ELL2: variants seen among roughly 807,000 people sequenced by gnomAD.
ELL2 encodes the protein elongation factor for RNA polymerase II 2.
A neutral mutation model predicts 72.8 loss-of-function variants in ELL2; 21 were observed. The ratio of observed to expected loss-of-function variants is 0.29; its 90% CI spans 0.20 to 0.42. ELL2 has a LOEUF of 0.42. Among genes scored for constraint, ELL2 ranks in the 10% least tolerant of loss-of-function variants. ELL2 has a pLI of 1.00. For synonymous variants in ELL2, 266 were observed against 283.2 expected (o/e 0.94, Z 0.61); for missense variants, 568 against 772.8 (o/e 0.73, Z 3.14).
chr5:95,954,168 G>C (rs1345101730), intron 1 of ELL2, among the ~76,000 whole-genome samples: 1 of 152,026 alleles, frequency 6.6e-6, no homozygotes, highest in African/African-American at 2.4e-5. Context: ...TCAAACTCCT[G>C]AATATACTTC....
chr5:95,936,567 G>A (rs1750780883), intron 2 of ELL2, among the ~76,000 whole-genome samples: 1 of 152,142 alleles, frequency 6.6e-6, no homozygotes, highest in South Asian at 2.1e-4. Context: ...AGGATCGCTT[G>A]AGTCCGGGAG....
At chr5:95,896,746 C>T (rs1256635226) in intron 8 of ELL2, among the ~76,000 whole-genome samples, 7 of 152,176 alleles carry the variant, frequency 4.6e-5, no homozygotes, top group African/African-American at 1.7e-4. Flanking sequence ...TTGTAATTAT[C>T]GCAACTGGTT....
chr5:95,939,985 G>A (rs1257576181), intron 2 of ELL2, among the ~76,000 whole-genome samples: 1 of 152,122 alleles, frequency 6.6e-6, no homozygotes, highest in Admixed American at 6.6e-5. Flanking sequence ...GTACAGATTA[G>A]AACTGTGAGA....
chr5:95,940,743 T>C (rs1750939016), intron 2 of ELL2, among the ~76,000 whole-genome samples: 1 of 152,032 alleles, frequency 6.6e-6, no homozygotes, highest in Non-Finnish European at 1.5e-5. Context: ...ATATTTCACA[T>C]AGGAAAAAAA....
chr5:95,952,628 T>C (rs1018372089), intron 1 of ELL2, among the ~76,000 whole-genome samples: 2 of 152,188 alleles, frequency 1.3e-5, no homozygotes, highest in African/African-American at 4.8e-5. Context: ...TGATTAGCCA[T>C]ACCCTTGAGA....
At chr5:95,891,043 G>A (rs1417942957) in intron 10 of ELL2, 60 bp downstream of exon 10, 35 of 1,605,278 alleles carry the variant, frequency 2.2e-5, no homozygotes, top group Non-Finnish European at 3.0e-5. Context: ...GTTGAGCAGG[G>A]CAGGGAAAGA....
chr5:95,940,020 A>C (rs1353010483), intron 2 of ELL2, among the ~76,000 whole-genome samples: 3 of 152,218 alleles, frequency 2.0e-5, no homozygotes, highest in Non-Finnish European at 4.4e-5. Context: ...TCTCTTCAGA[A>C]TCAGCAAAGC....
intron 6 of ELL2, 24 bp from the exon 7 acceptor site, chr5:95,900,804 T>G (rs759535413): frequency 2.5e-6 from 4 of 1,586,896 alleles, no homozygotes; most frequent in African/African-American, 1.4e-5. Flanking sequence ...ACATGTTATG[T>G]GTTAAGGAGA....
chr5:95,943,487 C>T (rs532448156), intron 1 of ELL2, among the ~76,000 whole-genome samples: 1 of 151,692 alleles, frequency 6.6e-6, no homozygotes, highest in East Asian at 1.9e-4. Context: ...CATGATTTGG[C>T]AAAAAATGGT....
At chr5:95,904,759 C>T (rs1205372939) in intron 5 of ELL2, among the ~76,000 whole-genome samples, 1 of 152,004 alleles carries the variant, frequency 6.6e-6, no homozygotes, top group African/African-American at 2.4e-5. Context: ...TACTTTTGGT[C>T]AGTTTTATTA....
intron 1 of ELL2, among the ~76,000 whole-genome samples, chr5:95,945,624 G>T (rs1311500493): frequency 1.3e-5 from 2 of 152,224 alleles, no homozygotes; most frequent in Non-Finnish European, 2.9e-5. Context: ...GGGAAGTGTA[G>T]TAAGAATTCT....
chr5:95,901,035 A>G lies in ELL2; in HGVS notation c.787T>C (p.Tyr263His). 1 of 1,613,608 alleles carries G rather than the reference A, an allele frequency of 6.2e-7. No homozygotes were observed. ...TCTCTTTGAAGCTCTTTAAAAACAT[A>G]ATCCTTTAAGGTATATGAGAGGTCC... ...SKDLSYTLKD[Y>H]VFKELQRDWP... Residue 263 changes from tyrosine to histidine, a missense_variant, in exon 6 of 12, where the codon TAT becomes CAT. Tyr to His is a moderately conservative substitution (Grantham distance 83). Around this residue, in one of 2 missense-constraint regions of ELL2, gnomAD observed 511 missense variants for 728.4 expected, o/e 0.70. Transcript: ENST00000237853.
intron 1 of ELL2, among the ~76,000 whole-genome samples, chr5:95,958,087 A>T (rs1751683696): frequency 6.6e-6 from 1 of 152,220 alleles, no homozygotes; most frequent in African/African-American, 2.4e-5. Flanking sequence ...CATAGGCCAG[A>T]GCTGCTTAGA....
chr5:95,947,537 T>C (rs763525586), intron 1 of ELL2, among the ~76,000 whole-genome samples: 1 of 152,186 alleles, frequency 6.6e-6, no homozygotes, highest in Non-Finnish European at 1.5e-5. Flanking sequence ...AAACCAGCCC[T>C]GGGTGGTAGG....
chr5:95,905,709 A>C (rs186560949), intron 5 of ELL2, among the ~76,000 whole-genome samples: 2 of 152,078 alleles, frequency 1.3e-5, no homozygotes, highest in East Asian at 3.9e-4. Flanking sequence ...AATAGACTTG[A>C]AATGTTACTC....
chr5:95,957,910 C>T (rs913946546), intron 1 of ELL2, among the ~76,000 whole-genome samples: 1 of 152,200 alleles, frequency 6.6e-6, no homozygotes, highest in Non-Finnish European at 1.5e-5. Flanking sequence ...TTTAAATTCA[C>T]TTCTCTGAAG....
At chr5:95,901,697 C>T (rs1218042139) in intron 5 of ELL2, among the ~76,000 whole-genome samples, 2 of 152,130 alleles carry the variant, frequency 1.3e-5, no homozygotes, top group African/African-American at 4.8e-5. Context: ...GATTTGAAAA[C>T]GGAGATGGCT....
intron 2 of ELL2, among the ~76,000 whole-genome samples, chr5:95,933,938 A>G (rs1750685488): frequency 6.6e-6 from 1 of 152,344 alleles, no homozygotes; most frequent in Non-Finnish European, 1.5e-5. Flanking sequence ...CAAAACATCA[A>G]GCATCCCTAA....
chr5:95,930,728 C>T (rs986108853), intron 2 of ELL2, among the ~76,000 whole-genome samples: 11 of 152,170 alleles, frequency 7.2e-5, no homozygotes, highest in African/African-American at 2.7e-4. Flanking sequence ...GCTGAGGCAG[C>T]CACTGTGGTA....
Sources: allele counts gnomAD v4.1 joint callset (sites outside exome capture counted in the v4.1 genomes callset), GRCh38; gene constraint gnomAD v4.1.1; regional missense constraint gnomAD v4.1.1; transcripts MANE v1.5; gene names NCBI Gene and HGNC (gene_info 2026-07-23, HGNC 2026-07-21).